DGKB: variants seen among roughly 807,000 people sequenced by gnomAD.
The protein encoded by DGKB is diacylglycerol kinase beta.
In DGKB, 67 loss-of-function variants were observed where a neutral mutation model predicts 114.3. The observed-to-expected ratio is 0.59, with a 90% CI of 0.48 to 0.72. The LOEUF is 0.72. DGKB is among the 30% of genes least tolerant of loss of function. DGKB has a pLI of 0.00. For missense variants in DGKB, 907 were observed against 975.2 expected (o/e 0.93, Z 0.93); for synonymous variants, 398 against 323.1 (o/e 1.23, Z -2.49).
chr7:14,510,899 A>G lies in DGKB; in HGVS notation c.1771-32674T>C, dbSNP rs181229062. ...TAACTAGGTACATTGCAAATGAATCATAATATTTTGAAAGGAATCTTATTT... is the reference window on the plus strand; with the variant it reads ...TAACTAGGTACATTGCAAATGAATCGTAATATTTTGAAAGGAATCTTATTT... On this transcript the variant is annotated intron_variant, in intron 20 of 25. Coordinates refer to ENST00000402815, the MANE Select transcript of DGKB (RefSeq NM_001350709.2). Among the ~76,000 whole-genome samples, 373 of 152,342 alleles carry G rather than the reference A, an allele frequency of 2.4e-3. 1 individual carries two copies. The highest frequency in any genetic ancestry group is 0.017 in the Middle Eastern group (5 of 294).
intron 21 of DGKB, among the ~76,000 whole-genome samples, chr7:14,460,641 C>T (rs1832947744): frequency 6.6e-6 from 1 of 152,000 alleles, no homozygotes; most frequent in Non-Finnish European, 1.5e-5. Flanking sequence ...CTTAGACTCC[C>T]ACACAATAAT....
At chr7:14,823,175 T>C (rs1192388068) in intron 2 of DGKB, among the ~76,000 whole-genome samples, 1 of 151,856 alleles carries the variant, frequency 6.6e-6, no homozygotes, top group African/African-American at 2.4e-5. Context: ...GATTTCTATA[T>C]AAAATAAATT....
At chr7:14,741,092 C>T (rs890444325) in intron 4 of DGKB, among the ~76,000 whole-genome samples, 1 of 152,084 alleles carries the variant, frequency 6.6e-6, no homozygotes, top group Non-Finnish European at 1.5e-5. Flanking sequence ...CCTCTCTTCA[C>T]AGATGGTTAA....
intron 14 of DGKB, among the ~76,000 whole-genome samples, chr7:14,627,789 A>G (rs778386487): frequency 2.0e-5 from 3 of 151,848 alleles, no homozygotes; most frequent in Admixed American, 6.6e-5. Context: ...TAAAAATACA[A>G]AAAATTAGCC....
At chr7:14,390,163 A>G (rs1269271240) in intron 21 of DGKB, among the ~76,000 whole-genome samples, 2 of 152,154 alleles carry the variant, frequency 1.3e-5, no homozygotes, top group African/African-American at 4.8e-5. Flanking sequence ...ACATAAGGGT[A>G]TTTGCTAGAG....
intron 21 of DGKB, among the ~76,000 whole-genome samples, chr7:14,386,059 T>C (rs1478778821): frequency 2.0e-5 from 3 of 152,372 alleles, no homozygotes; most frequent in South Asian, 4.1e-4. Context: ...GAAGTAATGG[T>C]TGTGGGACTT....
intron 1 of DGKB, among the ~76,000 whole-genome samples, chr7:14,964,607 AGGG>A (rs2115282828): frequency 6.6e-6 from 1 of 152,288 alleles, no homozygotes; most frequent in Non-Finnish European, 1.5e-5. Context: ...GGTTATGCAG[AGGG>A]CACTAGAATT....
intron 1 of DGKB, among the ~76,000 whole-genome samples, chr7:14,926,504 T>C (rs1562880924): frequency 6.6e-6 from 1 of 151,652 alleles, no homozygotes; most frequent in African/African-American, 2.4e-5. Flanking sequence ...TTTTTTGTTT[T>C]TTTTTTTAGT....
intron 2 of DGKB, among the ~76,000 whole-genome samples, chr7:14,810,381 A>G (rs1182648726): frequency 7.9e-6 from 1 of 125,920 alleles, no homozygotes; most frequent in Non-Finnish European, 1.8e-5. Context: ...TTAGACTACA[A>G]CATTATGGGA....
chr7:14,808,472 AATAAG>A (rs1342513823), intron 2 of DGKB, among the ~76,000 whole-genome samples: 5 of 152,084 alleles, frequency 3.3e-5, no homozygotes, highest in African/African-American at 4.8e-5. Context: ...AATGAAATGT[AATAAG>A]ATAAGATTAA....
At chr7:14,506,146 A>G (rs934032869) in intron 20 of DGKB, among the ~76,000 whole-genome samples, 2 of 152,134 alleles carry the variant, frequency 1.3e-5, no homozygotes, top group Admixed American at 6.5e-5. Context: ...ACGATGACTA[A>G]CCACTCTTCC....
At chr7:14,632,872 CA>C (rs1228371080) in intron 13 of DGKB, among the ~76,000 whole-genome samples, 1 of 151,906 alleles carries the variant, frequency 6.6e-6, no homozygotes, top group East Asian at 1.9e-4. Flanking sequence ...CCCTTATTGA[CA>C]GGCATCGCAC....
At chr7:14,612,240 T>A (rs901617001) in intron 16 of DGKB, among the ~76,000 whole-genome samples, 1 of 149,820 alleles carries the variant, frequency 6.7e-6, no homozygotes, top group East Asian at 2.0e-4. Flanking sequence ...AGTGGCACGA[T>A]CTTGGCTTAC....
intron 21 of DGKB, among the ~76,000 whole-genome samples, chr7:14,459,539 G>A (rs941366215): frequency 2.0e-5 from 3 of 151,924 alleles, no homozygotes; most frequent in South Asian, 4.2e-4. Context: ...AAAGCATGAA[G>A]ACAAGATTAG....
At chr7:14,349,455 C>T (rs796788094) in intron 21 of DGKB, among the ~76,000 whole-genome samples, 14 of 152,150 alleles carry the variant, frequency 9.2e-5, no homozygotes, top group African/African-American at 3.4e-4. Flanking sequence ...ATCAAAGTTC[C>T]TCACAGCGTA....
chr7:14,181,278 G>T (rs1435845145), intron 23 of DGKB, among the ~76,000 whole-genome samples: 2 of 152,116 alleles, frequency 1.3e-5, no homozygotes. Flanking sequence ...ATGCTTTAGA[G>T]AAACATGAAC....
At chr7:14,847,836 A>G (rs902711827) in intron 1 of DGKB, among the ~76,000 whole-genome samples, 3 of 152,240 alleles carry the variant, frequency 2.0e-5, no homozygotes, top group East Asian at 1.9e-4. Context: ...AAGATTAAAA[A>G]CATCCTGAGC....
At chr7:14,508,988 C>T (rs28684948) in intron 20 of DGKB, among the ~76,000 whole-genome samples, 2,767 of 152,172 alleles carry the variant, frequency 0.018, 71 homozygotes, top group African/African-American at 0.062. Flanking sequence ...ATGAAGAAAA[C>T]AATTTGCCCT....
At chr7:14,871,517 A>G (rs1218400064) in intron 1 of DGKB, among the ~76,000 whole-genome samples, 1 of 152,168 alleles carries the variant, frequency 6.6e-6, no homozygotes, top group East Asian at 1.9e-4. Flanking sequence ...CGTACAGTTT[A>G]TCACTTACTT....
Sources: allele counts gnomAD v4.1 joint callset (sites outside exome capture counted in the v4.1 genomes callset), GRCh38; gene constraint gnomAD v4.1.1; transcripts MANE v1.5; gene names NCBI Gene and HGNC (gene_info 2026-07-23, HGNC 2026-07-21).